Variants in BCL2L13 observed in about 807,000 individuals in gnomAD.
BCL2L13 encodes the protein BCL2 like 13, also known as bcl-2-like protein 13.
BCL2L13 carries 13 observed loss-of-function variants against 25.8 expected under a neutral mutation model. The ratio of observed to expected loss-of-function variants is 0.50; its 90% CI spans 0.33 to 0.80. The LOEUF is 0.80. Ranked by LOEUF, BCL2L13 falls within the 30% of genes least tolerant of loss-of-function variation. The pLI is 0.02. For missense variants in BCL2L13, 504 were observed against 574.9 expected, an observed-to-expected ratio of 0.88 and a Z score of 1.26; for synonymous variants, 244 against 230.3, an observed-to-expected ratio of 1.06 and a Z score of -0.54.
At chr22:17,723,092 A>G (rs566702755) in intron 6 of BCL2L13, among the ~76,000 whole-genome samples, 1 of 152,314 alleles carries the variant, frequency 6.6e-6, no homozygotes, top group South Asian at 2.1e-4. Context: ...ACCTGATTAC[A>G]GCTTCCGGTT....
At position 17,631,658 on chromosome 22, in the gene BCL2L13, ATGTG is replaced by A. The variant is rs77231205; in HGVS notation, c.-650+2663_-650+2666del. Among the ~76,000 whole-genome samples, 370 of 38,910 alleles carry A rather than the reference ATGTG, an allele frequency of 9.5e-3. 21 individuals carry two copies. The highest frequency in any genetic ancestry group is 0.042 in the African/African-American group (312 of 7,442). 25.5% of individuals were successfully genotyped at this position (38,910 alleles called of 152,430 possible). A position where few individuals can be genotyped will look rare whatever the true frequency, so the allele number is the denominator to read the frequency against. On this transcript the variant is annotated intron_variant, in intron 1 of 6. Transcript: ENST00000399782. The stretch of plus-strand genomic sequence containing the variant: ...GTAGGAATGGTACGTGTGTGTATGT[ATGTG>A]TGTGTGTGTATATATATATATATAT...
rs149494981 is a variant in BCL2L13, at chr22:17,669,146, C to T, written c.121+13314C>T. On this transcript the variant is annotated intron_variant, in intron 2 of 6. Coordinates refer to ENST00000317582, the MANE Select transcript of BCL2L13 (RefSeq NM_015367.4). ...CTCCCAGGTTCACGCCTTTCTCCTGCCTCAGCCTCCTGAGTAGCTGGGACT... is the reference window on the plus strand; with the variant it reads ...CTCCCAGGTTCACGCCTTTCTCCTGTCTCAGCCTCCTGAGTAGCTGGGACT... Among the ~76,000 whole-genome samples, 1,444 of 150,362 alleles carry T rather than the reference C, an allele frequency of 9.6e-3. 12 individuals are homozygous for T. Among genetic ancestry groups the T allele is most frequent in the Non-Finnish European group, 0.013 (876 of 67,872 alleles).
chr22:17,671,627 G>T (rs574720633), intron 2 of BCL2L13, among the ~76,000 whole-genome samples: 1 of 151,008 alleles, frequency 6.6e-6, no homozygotes, highest in African/African-American at 2.4e-5. Flanking sequence ...CATTTGTTTC[G>T]CCATGTTCCT....
chr22:17,684,376 A>G (rs919470127), intron 3 of BCL2L13, among the ~76,000 whole-genome samples: 4 of 152,182 alleles, frequency 2.6e-5, no homozygotes, highest in Non-Finnish European at 4.4e-5. Flanking sequence ...ATTTATCACC[A>G]TGATCTAAAT....
rs182684554 is a variant in BCL2L13, at chr22:17,729,266, C to G, written c.*1732C>G. The G allele has an allele frequency of 2.6e-5, 4 of 152,194 alleles. No individual in the cohort carries two copies. In the East Asian group the frequency reaches 5.8e-4, roughly 22 times the overall value. 9.4% of individuals were successfully genotyped at this position (152,194 alleles called of 1,614,324 possible). A position where few individuals can be genotyped will look rare whatever the true frequency, so the allele number is the denominator to read the frequency against. ...TGTTTGTGTGTCTTTCCAGCTTTAT[C>G]CTGTAGCGTGTCTTTGTTCTGTGTT... On this transcript the variant is annotated 3_prime_UTR_variant, in exon 7 of 7. Coordinates refer to ENST00000317582, the MANE Select transcript of BCL2L13 (RefSeq NM_015367.4).
In BCL2L13 at chr22:17,727,439, T is replaced by G; in HGVS notation, c.1363T>G (p.Ser455Ala). 1 of 1,614,250 alleles carries G rather than the reference T, an allele frequency of 6.2e-7. No individual in the cohort carries two copies. The highest frequency in any genetic ancestry group is 8.5e-7 in the Non-Finnish European group (1 of 1,180,050). Reference sequence around the variant, plus strand: ...CGGTGAGATGAAGCCCATGCCGCTGTCTGAGGGCAAGTCTATACTGCTGTT... The same window carrying G: ...CGGTGAGATGAAGCCCATGCCGCTGGCTGAGGGCAAGTCTATACTGCTGTT... ...PAGEMKPMPLSEGKSILLFGG... is the reference protein window; with the variant it reads ...PAGEMKPMPLAEGKSILLFGG... Residue 455 changes from serine (S) to alanine (A), a missense_variant, in exon 7 of 7, where the codon TCT becomes GCT. Physicochemically the swap from Ser to Ala is moderately conservative, Grantham distance 99 (BLOSUM62 1). Transcript: ENST00000317582.
intron 4 of BCL2L13, among the ~76,000 whole-genome samples, chr22:17,690,841 A>G (rs931707306): frequency 2.6e-5 from 4 of 152,110 alleles, no homozygotes; most frequent in Admixed American, 2.6e-4. Context: ...ATAAATATGG[A>G]GAGAAGTATA....
chr22:17,650,170 G>T (rs2058635147), intron 1 of BCL2L13, among the ~76,000 whole-genome samples: 1 of 152,056 alleles, frequency 6.6e-6, no homozygotes, highest in African/African-American at 2.4e-5. Context: ...GCGCCCGGCT[G>T]ACTCTTCTTA....
At chr22:17,635,092 C>T (rs898020182), upstream of BCL2L13, among the ~76,000 whole-genome samples, 8 of 151,686 alleles carry the variant, frequency 5.3e-5, no homozygotes, top group Non-Finnish European at 1.0e-4. Context: ...CTGTCCAAAA[C>T]TCCCCCGAAA....
At chr22:17,646,953 ATATTTTTT>A (rs1381723968) in intron 1 of BCL2L13, among the ~76,000 whole-genome samples, 621 of 21,464 alleles carry the variant, frequency 0.029, no homozygotes, top group African/African-American at 0.088. Context: ...ATATATATAT[ATATTTTTT>A]TTTTTTTTTT....
chr22:17,716,787 C>T (rs2060957796), intron 6 of BCL2L13, among the ~76,000 whole-genome samples: 1 of 152,040 alleles, frequency 6.6e-6, no homozygotes, highest in Non-Finnish European at 1.5e-5. Flanking sequence ...TATGTAATGG[C>T]CGGATGGTAC....
intron 6 of BCL2L13, among the ~76,000 whole-genome samples, chr22:17,722,361 G>A (rs191418582): frequency 7.5e-4 from 110 of 146,292 alleles, no homozygotes; most frequent in Admixed American, 4.8e-4. Flanking sequence ...CCTGAGTTGA[G>A]TAGATGAGAC....
chr22:17,684,956 TGATCTC>T (rs2059876855), intron 3 of BCL2L13, among the ~76,000 whole-genome samples: 2 of 151,828 alleles, frequency 1.3e-5, no homozygotes, highest in Non-Finnish European at 2.9e-5. Flanking sequence ...ATGGTCTCGT[TGATCTC>T]CTGACCTTGT....
intron 6 of BCL2L13, among the ~76,000 whole-genome samples, chr22:17,710,941 C>G (rs5992801): frequency 6.6e-6 from 1 of 151,856 alleles, no homozygotes; most frequent in Admixed American, 6.6e-5. Flanking sequence ...CAATATATTA[C>G]GCCAAAGTTG....
At chr22:17,719,492 G>A (rs2061041474) in intron 6 of BCL2L13, among the ~76,000 whole-genome samples, 1 of 152,112 alleles carries the variant, frequency 6.6e-6, no homozygotes, top group East Asian at 1.9e-4. Context: ...CTATTCTAAA[G>A]AGTAGAATCA....
intron 6 of BCL2L13, among the ~76,000 whole-genome samples, chr22:17,713,847 A>C (rs955989647): frequency 1.2e-4 from 19 of 152,064 alleles, no homozygotes; most frequent in Admixed American, 1.2e-3. Context: ...GTCTATACAA[A>C]GAAAAAAAAT....
At chr22:17,657,093 ACAGGCGTGAGCC>A (rs2058898322) in intron 2 of BCL2L13, among the ~76,000 whole-genome samples, 1 of 152,242 alleles carries the variant, frequency 6.6e-6, no homozygotes, top group Non-Finnish European at 1.5e-5. Context: ...TGCTGGGATT[ACAGGCGTGAGCC>A]CCAGGCCGGC....
At chr22:17,709,428 CTA>C (rs906030090) in intron 6 of BCL2L13, among the ~76,000 whole-genome samples, 1 of 150,650 alleles carries the variant, frequency 6.6e-6, no homozygotes, top group Non-Finnish European at 1.5e-5. Flanking sequence ...AACCCCATCT[CTA>C]TGAAAAATAC....
At chr22:17,653,179 C>T (rs1480610019) in intron 1 of BCL2L13, among the ~76,000 whole-genome samples, 3 of 152,248 alleles carry the variant, frequency 2.0e-5, no homozygotes, top group East Asian at 3.9e-4. Context: ...GCCAAACTGT[C>T]GTTAAGTCGG....
Sources: gnomAD v4.1 joint callset for allele counts (sites outside exome capture counted in the v4.1 genomes callset) on GRCh38, gnomAD v4.1.1 for gene constraint, MANE v1.5 for transcripts, NCBI Gene and HGNC (gene_info 2026-07-23, HGNC 2026-07-21) for gene names.